Variants in CSMD1 observed in about 807,000 individuals in gnomAD.
CSMD1 encodes CUB and sushi domain-containing protein 1.
CSMD1 carries 213 observed loss-of-function variants against 417.5 expected under a neutral mutation model. That is an observed-to-expected ratio of 0.51 (90% CI 0.46 to 0.57). The LOEUF (loss-of-function observed/expected upper bound fraction) is 0.57, where lower values mean the gene tolerates loss of function less well. Ranked by LOEUF, CSMD1 falls within the 20% of genes least tolerant of loss-of-function variation. CSMD1 has a pLI of 0.00. For synonymous variants in CSMD1, 2,862 were observed against 1,736.8 expected (o/e 1.65, Z -16.11); for missense variants, 6,923 against 4,529.7 (o/e 1.53, Z -15.17).
At chr8:3,949,459 C>A in intron 5 of CSMD1, among the ~76,000 whole-genome samples, 1 of 152,140 alleles carries the variant, frequency 6.6e-6, no homozygotes, top group East Asian at 1.9e-4. Context: ...GAAAAGGATA[C>A]ATTTTAAGCA....
At chr8:2,970,158 C>T (rs1804318622) in intron 57 of CSMD1, among the ~76,000 whole-genome samples, 1 of 152,194 alleles carries the variant, frequency 6.6e-6, no homozygotes, top group Admixed American at 6.5e-5. Context: ...ATTAAGCTCT[C>T]ATTCAAATAA....
At chr8:4,053,600 G>T in intron 3 of CSMD1, among the ~76,000 whole-genome samples, 1 of 151,936 alleles carries the variant, frequency 6.6e-6, no homozygotes, top group East Asian at 1.9e-4. Context: ...AGCAACCTCT[G>T]ATCTCCTTTC....
intron 1 of CSMD1, among the ~76,000 whole-genome samples, chr8:4,770,118 T>C (rs1365971072): frequency 6.6e-6 from 1 of 151,522 alleles, no homozygotes; most frequent in Non-Finnish European, 1.5e-5. Context: ...TACTTAACGT[T>C]GTTACAATAC....
intron 3 of CSMD1, among the ~76,000 whole-genome samples, chr8:4,041,819 A>G (rs1431121584): frequency 2.0e-5 from 3 of 152,206 alleles, no homozygotes; most frequent in South Asian, 2.1e-4. Flanking sequence ...CCACAAAAAA[A>G]CAAAACAAAC....
intron 3 of CSMD1, among the ~76,000 whole-genome samples, chr8:4,367,212 A>G (rs1802125467): frequency 6.6e-6 from 1 of 152,118 alleles, no homozygotes; most frequent in Non-Finnish European, 1.5e-5. Context: ...ATCTGGAGTT[A>G]TTTTTTGTAT....
Position 4,922,743 on chromosome 8 carries a change from G to C in CSMD1, c.85+71589C>G, listed in dbSNP as rs181175465. Among the ~76,000 whole-genome samples, 515 of 152,222 alleles carry C rather than the reference G, an allele frequency of 3.4e-3. 1 individual carries two copies. The highest frequency in any genetic ancestry group is 0.01 in the Middle Eastern group (3 of 294). ...TGCATTCTGTGTTCTCACGCCCCTA[G>C]ATTGCCAGAGGTGTAAAGAAGGCTA... On this transcript the variant is annotated intron_variant, in intron 1 of 69. Coordinates refer to ENST00000635120, the MANE Select transcript of CSMD1 (RefSeq NM_033225.6).
chr8:4,780,797 C>T (rs749192395), intron 1 of CSMD1, among the ~76,000 whole-genome samples: 3 of 152,154 alleles, frequency 2.0e-5, no homozygotes, highest in African/African-American at 7.2e-5. Context: ...TTAGCTCCCC[C>T]GTCTCAGTGA....
At chr8:4,185,659 A>G (rs1798628268) in intron 3 of CSMD1, among the ~76,000 whole-genome samples, 1 of 152,224 alleles carries the variant, frequency 6.6e-6, no homozygotes, top group African/African-American at 2.4e-5. Flanking sequence ...ACATTTTAAC[A>G]TAGTCACGTA....
At chr8:3,368,373 A>C (rs1809736730) in intron 19 of CSMD1, among the ~76,000 whole-genome samples, 1 of 152,156 alleles carries the variant, frequency 6.6e-6, no homozygotes. Context: ...GTCTCGCTCT[A>C]TCTCCTAGGC....
intron 26 of CSMD1, among the ~76,000 whole-genome samples, chr8:3,240,449 G>C (rs1799423853): frequency 6.6e-6 from 1 of 151,782 alleles, no homozygotes; most frequent in South Asian, 2.1e-4. Flanking sequence ...TATAGGTGTT[G>C]GGGTTTGAGA....
chr8:4,435,803 C>A (rs552186007), intron 2 of CSMD1, among the ~76,000 whole-genome samples: 1 of 152,188 alleles, frequency 6.6e-6, no homozygotes, highest in Non-Finnish European at 1.5e-5. Flanking sequence ...GAAGACAGAC[C>A]GTGTCCCGAA....
intron 5 of CSMD1, among the ~76,000 whole-genome samples, chr8:3,809,158 C>G (rs1387651456): frequency 2.0e-5 from 3 of 152,140 alleles, no homozygotes; most frequent in Non-Finnish European, 4.4e-5. Flanking sequence ...CTTCCAGCCC[C>G]CACAGACCTC....
intron 5 of CSMD1, among the ~76,000 whole-genome samples, chr8:3,794,283 C>A (rs1219382289): frequency 6.6e-6 from 1 of 152,138 alleles, no homozygotes; most frequent in African/African-American, 2.4e-5. Context: ...CTTAGTATTC[C>A]TAGGTGTAGC....
chr8:4,547,213 G>A (rs1025977751), intron 2 of CSMD1, among the ~76,000 whole-genome samples: 6 of 152,134 alleles, frequency 3.9e-5, no homozygotes, highest in African/African-American at 7.2e-5. Flanking sequence ...TATCCAGCAA[G>A]CCTGGGTTCT....
At chr8:4,260,204 A>C (rs2128840306) in intron 3 of CSMD1, among the ~76,000 whole-genome samples, 1 of 152,296 alleles carries the variant, frequency 6.6e-6, no homozygotes, top group East Asian at 1.9e-4. Flanking sequence ...GGTGTTGCCT[A>C]TCTAATTGGG....
At chr8:4,402,185 A>G (rs749559498) in intron 3 of CSMD1, among the ~76,000 whole-genome samples, 1 of 151,966 alleles carries the variant, frequency 6.6e-6, no homozygotes, top group African/African-American at 2.4e-5. Flanking sequence ...TACTTCTCCA[A>G]AATTGCGACT....
At chr8:4,588,291 C>T (rs1799805045) in intron 2 of CSMD1, among the ~76,000 whole-genome samples, 1 of 151,484 alleles carries the variant, frequency 6.6e-6, no homozygotes. Flanking sequence ...CTGATACTAG[C>T]CAAAAAGAAA....
At chr8:4,226,318 G>A (rs374234722) in intron 3 of CSMD1, among the ~76,000 whole-genome samples, 29 of 152,252 alleles carry the variant, frequency 1.9e-4, no homozygotes, top group African/African-American at 6.0e-4. Flanking sequence ...AAAAGAATTA[G>A]AGACCATCAA....
chr8:4,026,844 A>C (rs944554140), intron 4 of CSMD1, among the ~76,000 whole-genome samples: 1 of 152,206 alleles, frequency 6.6e-6, no homozygotes, highest in African/African-American at 2.4e-5. Context: ...ACTCTGTGGC[A>C]GTGTAAAAAC....
Sources: gnomAD v4.1 joint callset for allele counts (sites outside exome capture counted in the v4.1 genomes callset) on GRCh38, gnomAD v4.1.1 for gene constraint, MANE v1.5 for transcripts, NCBI Gene and HGNC (gene_info 2026-07-23, HGNC 2026-07-21) for gene names.